The following SH3BP4 variants were observed in gnomAD, a reference collection of about 807,000 sequenced individuals.
The protein encoded by SH3BP4 is SH3 domain binding protein 4.
Under a neutral mutation model 65.5 loss-of-function variants are expected in SH3BP4, and 33 were observed. The ratio of observed to expected loss-of-function variants is 0.50; its 90% CI spans 0.38 to 0.67. The LOEUF is 0.67. Ranked by LOEUF, SH3BP4 falls within the 30% of genes least tolerant of loss-of-function variation. SH3BP4 has a pLI of 0.00. For synonymous variants in SH3BP4, 552 were observed against 545.5 expected (o/e 1.01, Z -0.17); for missense variants, 1,134 against 1,261.4 (o/e 0.90, Z 1.53).
rs891705865 is a variant in SH3BP4, at chr2:235,033,338, T to G, written c.-132-1533T>G. 1.3e-5 allele frequency among the ~76,000 whole-genome samples: 2 copies of G among 152,174 alleles called. No homozygotes were observed. Among genetic ancestry groups the G allele is most frequent in the Non-Finnish European group, 2.9e-5 (2 of 68,026 alleles). On this transcript the variant is annotated intron_variant, in intron 2 of 5. Transcript: ENST00000392011. This position sits in a 1 kb window ranked among gnomAD's most constrained non-coding sequence, Gnocchi z 5.7. ...AACGGAAGCTCTCTGGTGTCTCAAA[T>G]AAAGGCGCTGATCTGATCATGAGGA...
At chr2:235,039,237 A>G (rs995994788) in intron 3 of SH3BP4, among the ~76,000 whole-genome samples, 1 of 152,172 alleles carries the variant, frequency 6.6e-6, no homozygotes, top group African/African-American at 2.4e-5. Flanking sequence ...GCTCCCAGCT[A>G]AGCGCATCTC....
intron 1 of SH3BP4, among the ~76,000 whole-genome samples, chr2:234,990,104 G>C (rs1008209787): frequency 1.3e-5 from 2 of 152,174 alleles, no homozygotes; most frequent in African/African-American, 4.8e-5. Flanking sequence ...GTTTAGACTG[G>C]GGTCCCATCT....
intron 1 of SH3BP4, among the ~76,000 whole-genome samples, chr2:234,985,568 T>C (rs1447520473): frequency 6.6e-6 from 1 of 152,158 alleles, no homozygotes; most frequent in African/African-American, 2.4e-5. Flanking sequence ...TGACCTTCTG[T>C]GTGCAGGCAT....
chr2:234,992,819 G>A (rs1398821364), intron 1 of SH3BP4, among the ~76,000 whole-genome samples: 1 of 150,706 alleles, frequency 6.6e-6, no homozygotes, highest in African/African-American at 2.4e-5. Context: ...TGCATCAGGA[G>A]CCCCTAGAGA....
intron 1 of SH3BP4, among the ~76,000 whole-genome samples, chr2:234,985,467 C>T (rs1011142662): frequency 8.5e-5 from 13 of 152,136 alleles, no homozygotes; most frequent in Admixed American, 5.2e-4. Flanking sequence ...CATTTTTGAC[C>T]CTCTGTGCAC....
intron 3 of SH3BP4, among the ~76,000 whole-genome samples, chr2:235,036,269 G>C (rs1300484101): frequency 1.3e-5 from 2 of 152,214 alleles, no homozygotes; most frequent in African/African-American, 4.8e-5. Context: ...ATTTGTAAGA[G>C]AGCAACAGTG....
rs975714859 is a variant in SH3BP4, at chr2:234,979,166, T to C, written c.-206-16137T>C. ...GGTAATATTTGAAAATATTTGGGAA[T>C]GTTTACACAATCACAAAAACAATGA... On this transcript the variant is annotated intron_variant, in intron 1 of 5. Coordinates refer to ENST00000392011, the MANE Select transcript of SH3BP4 (RefSeq NM_014521.3). Among the ~76,000 whole-genome samples the C allele has an allele frequency of 7.2e-5, 11 of 152,192 alleles. 1 individual carries two copies. Among genetic ancestry groups the C allele is most frequent in the African/African-American group, 2.7e-4 (11 of 41,454 alleles).
At chr2:234,987,925 T>A (rs1040093913) in intron 1 of SH3BP4, among the ~76,000 whole-genome samples, 7 of 152,214 alleles carry the variant, frequency 4.6e-5, no homozygotes, top group African/African-American at 1.7e-4. Context: ...GTAACCCACA[T>A]GCATGATGAC....
At position 235,035,191 on chromosome 2, in the gene SH3BP4, T is replaced by G; in HGVS notation, c.118+71T>G. On this transcript the variant is annotated intron_variant, in intron 3 of 5. Coordinates refer to ENST00000392011, the MANE Select transcript of SH3BP4 (RefSeq NM_014521.3). The surrounding 1 kb of genome is among the most constrained non-coding windows in gnomAD (Gnocchi z 5.0). Reference sequence around the variant, plus strand: ...ATTTTCAAGTTGGGATCCAAGAACTTTTCTGCTTTAAAGATTGCCAGTTTA... The same window carrying G: ...ATTTTCAAGTTGGGATCCAAGAACTGTTCTGCTTTAAAGATTGCCAGTTTA... The G allele has an allele frequency of 8.7e-7, 1 of 1,152,152 alleles. No homozygotes were observed. The highest frequency in any genetic ancestry group is 1.3e-6 in the Non-Finnish European group (1 of 762,962). The allele number at this position is 1,152,152 out of a possible 1,614,324, so 71.4% of individuals were successfully genotyped here. A position where few individuals can be genotyped will look rare whatever the true frequency, so the allele number is the denominator to read the frequency against.
At chr2:235,039,484 A>G (rs1324382611) in intron 3 of SH3BP4, among the ~76,000 whole-genome samples, 1 of 150,968 alleles carries the variant, frequency 6.6e-6, no homozygotes, top group African/African-American at 2.4e-5. Flanking sequence ...GGCAACTTAA[A>G]AAAAAAAAAG....
chr2:235,049,006 A>G (rs1425559732), intron 4 of SH3BP4, among the ~76,000 whole-genome samples: 1 of 152,220 alleles, frequency 6.6e-6, no homozygotes, highest in African/African-American at 2.4e-5. Context: ...TTGGCACCCA[A>G]AATTTGTCCT....
At chr2:234,971,196 T>G (rs1385600289) in intron 1 of SH3BP4, among the ~76,000 whole-genome samples, 1 of 152,180 alleles carries the variant, frequency 6.6e-6, no homozygotes, top group African/African-American at 2.4e-5. Context: ...CCATTCCACT[T>G]TCTGTTGCTA....
chr2:235,006,026 A>G (rs1694282305), intron 2 of SH3BP4, among the ~76,000 whole-genome samples: 1 of 152,224 alleles, frequency 6.6e-6, no homozygotes, highest in South Asian at 2.1e-4. Context: ...CAGCCCCTGC[A>G]GCTGTCTGGC....
rs934915204 is a variant in SH3BP4 at position 235,026,895 on chromosome 2, C to G, written c.-132-7976C>G. On this transcript the variant is annotated intron_variant, in intron 2 of 5. Transcript: ENST00000392011. This position sits in a 1 kb window ranked among gnomAD's most constrained non-coding sequence, Gnocchi z 4.6. ...TTCCGATGGGCCTTGCTGTTTTCTC[C>G]CCCAGGAAGAGGCAGCCCGCCCGAG... Among the ~76,000 whole-genome samples the G allele has an allele frequency of 6.6e-6, 1 of 152,172 alleles. No homozygotes were observed. Among genetic ancestry groups the G allele is most frequent in the African/African-American group, 2.4e-5 (1 of 41,450 alleles).
chr2:235,028,562 G>A (rs1350140917), intron 2 of SH3BP4, among the ~76,000 whole-genome samples: 2 of 152,144 alleles, frequency 1.3e-5, no homozygotes, highest in African/African-American at 2.4e-5. Flanking sequence ...AACCGAATTC[G>A]TTCATTCATT....
At chr2:235,017,693 T>A (rs1694731864) in intron 2 of SH3BP4, among the ~76,000 whole-genome samples, 2 of 152,194 alleles carry the variant, frequency 1.3e-5, no homozygotes. Flanking sequence ...AGGGGCCCAG[T>A]GTCATTCACT....
rs1167252017 is a variant in SH3BP4 at position 235,045,499 on chromosome 2, A to G, written c.2478+2252A>G. Among the ~76,000 whole-genome samples, 4 of 151,972 alleles carry G rather than the reference A, an allele frequency of 2.6e-5. No individual in the cohort carries two copies. The highest frequency in any genetic ancestry group is 4.4e-5 in the Non-Finnish European group (3 of 67,974). ...GGGAGGGGTGTGTCCTCTGTGCCCG[A>G]GTCCTTCCGCTACCCAGAAAGGAGG... On this transcript the variant is annotated intron_variant, in intron 4 of 5. Transcript: ENST00000392011. This position sits in a 1 kb window ranked among gnomAD's most constrained non-coding sequence, Gnocchi z 4.3.
chr2:235,019,094 G>A (rs1277460281), intron 2 of SH3BP4, among the ~76,000 whole-genome samples: 1 of 152,198 alleles, frequency 6.6e-6, no homozygotes, highest in South Asian at 2.1e-4. Context: ...GCAAAGTCAG[G>A]CAGGGCCTCG....
intron 1 of SH3BP4, among the ~76,000 whole-genome samples, chr2:234,968,738 C>G (rs2106245399): frequency 6.6e-6 from 1 of 152,254 alleles, no homozygotes; most frequent in Non-Finnish European, 1.5e-5. Flanking sequence ...ACGGCTTTTA[C>G]CATATGTTTT....
Sources: allele counts gnomAD v4.1 joint callset (sites outside exome capture counted in the v4.1 genomes callset), GRCh38; gene constraint gnomAD v4.1.1; non-coding constraint Gnocchi (gnomAD v3.1); transcripts MANE v1.5; gene names NCBI Gene and HGNC (gene_info 2026-07-23, HGNC 2026-07-21).